The following SLC4A5 variants were observed in gnomAD, a reference collection of about 807,000 sequenced individuals.
SLC4A5 encodes the protein electrogenic sodium bicarbonate cotransporter 4.
In SLC4A5, 96 loss-of-function variants were observed where a neutral mutation model predicts 120.4. The ratio of observed to expected loss-of-function variants is 0.80; its 90% CI spans 0.68 to 0.94. The LOEUF (loss-of-function observed/expected upper bound fraction) is 0.94. Ranked by LOEUF, SLC4A5 falls within the 40% of genes least tolerant of loss-of-function variation. The probability of loss-of-function intolerance (pLI) is 0.00; values close to 1 mark genes in which losing one functional copy is unlikely to be tolerated. For synonymous variants in SLC4A5, 550 were observed against 571.1 expected, an observed-to-expected ratio of 0.96 and a Z score of 0.53; for missense variants, 1,259 against 1,459.5, an observed-to-expected ratio of 0.86 and a Z score of 2.24.
chr2:74,236,376 T>C (rs1670269144), intron 21 of SLC4A5, among the ~76,000 whole-genome samples: 1 of 152,198 alleles, frequency 6.6e-6, no homozygotes, highest in African/African-American at 2.4e-5. Flanking sequence ...ATTAAACATC[T>C]CCTTCCATTA....
exon 15 of SLC4A5, chr2:74,253,106 T>C: frequency 6.2e-7 from 1 of 1,614,126 alleles, no homozygotes; most frequent in Non-Finnish European, 8.5e-7. Flanking sequence ...ATTGCGGGCT[T>C]TGTAGGCCAC....
At chr2:74,303,891 C>T (rs1167451728) in intron 7 of SLC4A5, among the ~76,000 whole-genome samples, 1 of 151,252 alleles carries the variant, frequency 6.6e-6, no homozygotes, top group African/African-American at 2.4e-5. Context: ...GCTCTGTCGC[C>T]CAGGCTGGAG....
chr2:74,319,136 T>A lies in SLC4A5; in HGVS notation c.-2-4111A>T, dbSNP rs150363637. Among the ~76,000 whole-genome samples the A allele has an allele frequency of 6.6e-4, 101 of 152,310 alleles. 1 individual carries two copies. Among genetic ancestry groups the A allele is most frequent in the Non-Finnish European group, 1.1e-3 (77 of 68,024 alleles). On this transcript the variant is annotated intron_variant, in intron 5 of 30. Transcript: ENST00000394019. ...ACAGAAAGACAAATTCTGTATGTTC[T>A]CACTTATAAGTGGGAGCTAACAATT...
exon 28 of SLC4A5, chr2:74,224,981 G>C: frequency 6.2e-7 from 1 of 1,614,088 alleles, no homozygotes; most frequent in Non-Finnish European, 8.5e-7. Context: ...TTCGAACGAT[G>C]ATGAGGCCCA....
chr2:74,239,662 G>A (rs1670375811), intron 20 of SLC4A5, 127 bp from the exon 21 acceptor site: 3 of 857,384 alleles, frequency 3.5e-6, no homozygotes, highest in Non-Finnish European at 3.7e-6. Flanking sequence ...GCCCCCCAGA[G>A]TGATGTTCCT....
intron 6 of SLC4A5, among the ~76,000 whole-genome samples, chr2:74,314,732 G>A (rs1672910054): frequency 6.6e-6 from 1 of 152,148 alleles, no homozygotes; most frequent in Non-Finnish European, 1.5e-5. Context: ...AATCCACATA[G>A]GCAAAGTGGC....
rs1308361759 is a variant in SLC4A5, at chr2:74,250,537, G to C, written c.1479-20C>G. The stretch of plus-strand genomic sequence containing the variant: ...AAGAACCTGCTCAAGACAGGCCCAG[G>C]GGCTGCTTTCTCACCACTAACACCA... On this transcript the variant is annotated intron_variant, in intron 16 of 30. Transcript: ENST00000394019. The C allele has an allele frequency of 6.2e-7, 1 of 1,613,668 alleles. No individual in the cohort carries two copies. The highest frequency in any genetic ancestry group is 1.7e-5 in the Admixed American group (1 of 59,972).
At chr2:74,253,182 C>T in intron 14 of SLC4A5, 54 bp from the exon 15 acceptor site, 3 of 1,601,792 alleles carry the variant, frequency 1.9e-6, no homozygotes, top group East Asian at 2.2e-5. Flanking sequence ...TCTGAAATGC[C>T]TGGGAGCATA....
At chr2:74,245,884 G>A (rs1029836211) in intron 19 of SLC4A5, among the ~76,000 whole-genome samples, 1 of 152,154 alleles carries the variant, frequency 6.6e-6, no homozygotes, top group African/African-American at 2.4e-5. Flanking sequence ...GTATAGATTT[G>A]GAAACCCCAC....
intron 6 of SLC4A5, chr2:74,307,589 G>A (rs371466835): frequency 1.6e-5 from 11 of 709,278 alleles, no homozygotes; most frequent in East Asian, 6.1e-5. Flanking sequence ...CAGTATTTGC[G>A]AAGATCTGAG....
intron 3 of SLC4A5, among the ~76,000 whole-genome samples, chr2:74,336,093 A>G (rs1673480790): frequency 6.6e-6 from 1 of 152,158 alleles, no homozygotes. Flanking sequence ...TGGAGACAGC[A>G]TTCTCACTCT....
chr2:74,239,245 A>T (rs1670359530), intron 21 of SLC4A5, 90 bp downstream of exon 21: 10 of 1,238,798 alleles, frequency 8.1e-6, no homozygotes, highest in Admixed American at 7.1e-5. Flanking sequence ...GCTCGCATGG[A>T]GTCCATCCTG....
chr2:74,234,690 T>C (rs568723972), intron 22 of SLC4A5, among the ~76,000 whole-genome samples: 78 of 152,370 alleles, frequency 5.1e-4, no homozygotes, highest in Non-Finnish European at 6.0e-4. Flanking sequence ...ACGAGTTCCC[T>C]GTGACTGTGA....
chr2:74,260,590 C>T (rs745504305), intron 11 of SLC4A5, among the ~76,000 whole-genome samples: 1 of 152,048 alleles, frequency 6.6e-6, no homozygotes, highest in Non-Finnish European at 1.5e-5. Context: ...CACTCAATGC[C>T]CCTCCCTCCC....
rs567472284 is a variant in SLC4A5 at position 74,232,665 on chromosome 2, G to A, written c.2596-18C>T. On this transcript the variant is annotated intron_variant, in intron 23 of 30. Transcript: ENST00000394019. ...GCAGCCTTCTGCAGGAGCGGGGTTG[G>A]GGGAGGGAGAAGTTTCTGGGGAGCC... The A allele has an allele frequency of 1.1e-5, 18 of 1,608,880 alleles. 1 individual carries two copies. In the South Asian group the frequency reaches 1.7e-4, roughly 15 times the overall value.
At position 74,222,859 on chromosome 2, in the gene SLC4A5, T is replaced by C. The variant is rs189181390; in HGVS notation, c.3331+9A>G. On this transcript the variant is annotated intron_variant, in intron 29 of 30. Coordinates refer to ENST00000394019, the Ensembl canonical transcript of SLC4A5. ...GTAAGAAGGGAGAGACATCATGTGT[T>C]TTACTTACTGGCAATGCAGTGGATA... The C allele has an allele frequency of 1.7e-4, 280 of 1,604,692 alleles. No individual in the cohort carries two copies. The highest frequency in any genetic ancestry group is 2.2e-4 in the Non-Finnish European group (253 of 1,171,546).
chr2:74,308,022 G>A (rs181394540), intron 6 of SLC4A5: 3 of 534,102 alleles, frequency 5.6e-6, no homozygotes, highest in South Asian at 1.4e-5. Context: ...GTCCGGGGAG[G>A]AGAGTGAGAG....
intron 29 of SLC4A5, among the ~76,000 whole-genome samples, chr2:74,221,945 A>C (rs1694665992): frequency 6.6e-6 from 1 of 152,072 alleles, no homozygotes; most frequent in Non-Finnish European, 1.5e-5. Flanking sequence ...CTGGCCACCT[A>C]TAGGGAGCTG....
intron 6 of SLC4A5, chr2:74,307,462 G>T (rs979036746): frequency 3.2e-6 from 2 of 626,370 alleles, no homozygotes; most frequent in Non-Finnish European, 6.0e-6. Context: ...ACCTTGTGGA[G>T]CCCACGGATG....
Sources: gnomAD v4.1 joint callset for allele counts (sites outside exome capture counted in the v4.1 genomes callset) on GRCh38, gnomAD v4.1.1 for gene constraint, MANE v1.5 for transcripts, NCBI Gene and HGNC (gene_info 2026-07-23, HGNC 2026-07-21) for gene names.